GABRB2: variants seen among roughly 807,000 people sequenced by gnomAD.
GABRB2 encodes gamma-aminobutyric acid type A receptor subunit beta2.
A neutral mutation model predicts 54.7 loss-of-function variants in GABRB2; 16 were observed. That is an observed-to-expected ratio of 0.29 (90% CI 0.20 to 0.44). GABRB2 has a LOEUF of 0.44. GABRB2 is among the 20% of genes least tolerant of loss of function. The pLI is 1.00. For synonymous variants in GABRB2, 244 were observed against 233.8 expected, an observed-to-expected ratio of 1.04 and a Z score of -0.40; for missense variants, 355 against 644.0, an observed-to-expected ratio of 0.55 and a Z score of 4.86.
At chr5:161,438,124 C>A (rs991324720) in intron 4 of GABRB2, among the ~76,000 whole-genome samples, 3 of 152,182 alleles carry the variant, frequency 2.0e-5, no homozygotes, top group African/African-American at 4.8e-5. Context: ...TAGGTTTGAC[C>A]TAACACAGTC....
intron 5 of GABRB2, among the ~76,000 whole-genome samples, chr5:161,401,902 A>G (rs1561637651): frequency 6.6e-6 from 1 of 152,098 alleles, no homozygotes; most frequent in Non-Finnish European, 1.5e-5. Context: ...GAAATGTTCT[A>G]TTTGTCTCTC....
chr5:161,481,337 C>A (rs1758756020), intron 3 of GABRB2, among the ~76,000 whole-genome samples: 1 of 151,986 alleles, frequency 6.6e-6, no homozygotes, highest in Non-Finnish European at 1.5e-5. Context: ...TCACTATTGT[C>A]ATTTTCAGTA....
chr5:161,332,878 G>A (rs35351365), intron 7 of GABRB2, among the ~76,000 whole-genome samples: 8,386 of 151,916 alleles, frequency 0.055, 634 homozygotes, highest in African/African-American at 0.17. Flanking sequence ...ATTTGATTCT[G>A]AGCACGCCCA....
intron 3 of GABRB2, among the ~76,000 whole-genome samples, chr5:161,480,388 A>G (rs1758726275): frequency 6.6e-6 from 1 of 152,050 alleles, no homozygotes; most frequent in Admixed American, 6.6e-5. Flanking sequence ...TATTAATGAG[A>G]TATTTATCTA....
intron 5 of GABRB2, among the ~76,000 whole-genome samples, chr5:161,391,082 T>C (rs980723995): frequency 2.0e-5 from 3 of 152,160 alleles, no homozygotes; most frequent in African/African-American, 7.2e-5. Flanking sequence ...TTAGGTTATA[T>C]AAACTTTTTC....
intron 3 of GABRB2, among the ~76,000 whole-genome samples, chr5:161,486,740 C>T (rs141018596): frequency 6.6e-6 from 1 of 151,948 alleles, no homozygotes; most frequent in Admixed American, 6.6e-5. Flanking sequence ...CCTAAGTCTC[C>T]TCCTCCATGG....
chr5:161,333,744 T>G (rs1753916687), intron 7 of GABRB2, among the ~76,000 whole-genome samples: 1 of 152,174 alleles, frequency 6.6e-6, no homozygotes, highest in South Asian at 2.1e-4. Flanking sequence ...CCAGGGCCTT[T>G]GCAGTCATCT....
intron 5 of GABRB2, 78 bp from the exon 6 acceptor site, chr5:161,336,847 T>C: frequency 6.9e-7 from 1 of 1,456,356 alleles, no homozygotes; most frequent in Non-Finnish European, 9.2e-7. Context: ...CAGAAAAAAA[T>C]ACCTGTTTAG....
chr5:161,429,466 T>C (rs1359249968), intron 4 of GABRB2, among the ~76,000 whole-genome samples: 2 of 151,284 alleles, frequency 1.3e-5, no homozygotes, highest in African/African-American at 2.4e-5. Context: ...ATGAAAGATA[T>C]ACCAGATTTT....
chr5:161,516,349 A>C (rs533605150), intron 3 of GABRB2, among the ~76,000 whole-genome samples: 2 of 152,098 alleles, frequency 1.3e-5, no homozygotes, highest in African/African-American at 4.8e-5. Context: ...GGTAGGTATT[A>C]TTGCCACCCC....
intron 4 of GABRB2, among the ~76,000 whole-genome samples, chr5:161,413,396 T>C (rs1756577120): frequency 6.6e-6 from 1 of 152,178 alleles, no homozygotes; most frequent in Non-Finnish European, 1.5e-5. Flanking sequence ...TCTTATCAAC[T>C]TCATTGTTTA....
At chr5:161,462,851 A>C (rs1056140960) in intron 3 of GABRB2, among the ~76,000 whole-genome samples, 1 of 152,290 alleles carries the variant, frequency 6.6e-6, no homozygotes, top group Admixed American at 6.5e-5. Flanking sequence ...GCGCATAAAA[A>C]GAAAGCATGG....
chr5:161,515,834 A>G lies in GABRB2; in HGVS notation c.237+29393T>C, dbSNP rs1759926856. On this transcript the variant is annotated intron_variant, in intron 3 of 9. Transcript: ENST00000393959. Reference sequence around the variant, plus strand: ...AATTTCAGTCTACGGACTAATCAACAGGTATCAAAAACAGACATAGTAACA... The same window carrying G: ...AATTTCAGTCTACGGACTAATCAACGGGTATCAAAAACAGACATAGTAACA... Among the ~76,000 whole-genome samples the G allele has an allele frequency of 3.3e-5, 5 of 152,218 alleles. No homozygotes were observed. The South Asian group carries it at 1.0e-3, about 31-fold the overall frequency.
At chr5:161,535,272 C>T (rs1476764888) in intron 3 of GABRB2, among the ~76,000 whole-genome samples, 7 of 151,988 alleles carry the variant, frequency 4.6e-5, no homozygotes, top group Non-Finnish European at 7.4e-5. Flanking sequence ...ATATTATTCA[C>T]ACTGTGAATA....
At chr5:161,508,533 C>T (rs970822253) in intron 3 of GABRB2, among the ~76,000 whole-genome samples, 1 of 151,926 alleles carries the variant, frequency 6.6e-6, no homozygotes, top group African/African-American at 2.4e-5. Context: ...TTGTCTCCCA[C>T]GATGATGTTC....
At chr5:161,448,345 A>C (rs9313885) in intron 4 of GABRB2, among the ~76,000 whole-genome samples, 64,732 of 151,836 alleles carry the variant, frequency 0.43, 15,215 homozygotes, top group African/African-American at 0.64. Flanking sequence ...TTTGCTAGAG[A>C]CCAGGGATTC....
intron 4 of GABRB2, among the ~76,000 whole-genome samples, chr5:161,416,902 AGGCC>A (rs1356026433): frequency 1.3e-5 from 2 of 151,890 alleles, no homozygotes; most frequent in Non-Finnish European, 2.9e-5. Context: ...CATGTTAAAA[AGGCC>A]AATTATAAAA....
At chr5:161,519,632 A>T (rs1042963029) in intron 3 of GABRB2, among the ~76,000 whole-genome samples, 1 of 152,198 alleles carries the variant, frequency 6.6e-6, no homozygotes, top group African/African-American at 2.4e-5. Flanking sequence ...ATTAAAGCAT[A>T]AAAACTATCA....
chr5:161,421,369 C>T (rs1295366428), intron 4 of GABRB2, among the ~76,000 whole-genome samples: 1 of 152,200 alleles, frequency 6.6e-6, no homozygotes, highest in Non-Finnish European at 1.5e-5. Context: ...ACTGAAATGA[C>T]TTTTATATCC....
Sources: allele counts gnomAD v4.1 joint callset (sites outside exome capture counted in the v4.1 genomes callset), GRCh38; gene constraint gnomAD v4.1.1; transcripts MANE v1.5; gene names NCBI Gene and HGNC (gene_info 2026-07-23, HGNC 2026-07-21).